MLLT10: variants seen among roughly 807,000 people sequenced by gnomAD.
MLLT10 encodes protein AF-10.
In MLLT10, 30 loss-of-function variants were observed where a neutral mutation model predicts 129.1. That is an observed-to-expected ratio of 0.23 (90% CI 0.17 to 0.32). The LOEUF is 0.32. Ranked by LOEUF, MLLT10 falls within the 10% of genes least tolerant of loss-of-function variation. MLLT10 has a pLI of 1.00. For missense variants in MLLT10, 1,119 were observed against 1,268.3 expected (o/e 0.88, Z 1.79); for synonymous variants, 490 against 446.4 (o/e 1.10, Z -1.23).
At chr10:21,710,947 T>G (rs1021254429) in intron 13 of MLLT10, among the ~76,000 whole-genome samples, 1 of 152,242 alleles carries the variant, frequency 6.6e-6, no homozygotes, top group Non-Finnish European at 1.5e-5. Context: ...TTACTTATGC[T>G]TAAGAGTCAT....
intron 5 of MLLT10, among the ~76,000 whole-genome samples, chr10:21,607,520 A>G (rs569018909): frequency 2.0e-5 from 3 of 152,026 alleles, no homozygotes; most frequent in Non-Finnish European, 4.4e-5. Flanking sequence ...CGGTTTCTCC[A>G]TGTTAGTCAG....
chr10:21,539,874 G>C (rs1564367082), intron 3 of MLLT10, among the ~76,000 whole-genome samples: 1 of 152,136 alleles, frequency 6.6e-6, no homozygotes, highest in Non-Finnish European at 1.5e-5. Context: ...GAACCTGGGA[G>C]GCGGAGGTTG....
intron 6 of MLLT10, 103 bp downstream of exon 6, chr10:21,612,554 T>G (rs971843453): frequency 1.0e-5 from 6 of 591,640 alleles, no homozygotes; most frequent in African/African-American, 9.3e-5. Flanking sequence ...TATGGTAAAC[T>G]TTATTGGTAT....
Position 21,735,247 on chromosome 10 carries a change from C to T in MLLT10, c.2955+12C>T, listed in dbSNP as rs374133492. The T allele has an allele frequency of 2.1e-5, 33 of 1,578,064 alleles. No homozygotes were observed. The highest frequency in any genetic ancestry group is 2.9e-5 in the Non-Finnish European group (33 of 1,148,472). On this transcript the variant is annotated intron_variant, in intron 21 of 22. Transcript: ENST00000307729. Reference sequence around the variant, plus strand: ...AACAGCTCACACCAGTAAGTTCTTTCTTTTGATAATATCTTATTAGGAGCA... The same window carrying T: ...AACAGCTCACACCAGTAAGTTCTTTTTTTTGATAATATCTTATTAGGAGCA...
At position 21,534,317 on chromosome 10, in the gene MLLT10, C is replaced by CT. The variant is rs1239319613; in HGVS notation, c.-204_-203insT. 3 of 394,884 alleles carry CT rather than the reference C, an allele frequency of 7.6e-6. No individual in the cohort carries two copies. The highest frequency in any genetic ancestry group is 1.3e-5 in the Non-Finnish European group (3 of 222,510). The allele number at this position is 394,884 out of a possible 1,614,324, so 24.5% of individuals were successfully genotyped here. ...CTGGCCCAGCGGGAGCCCCCCCTCC[C>CT]CCCAGTGCGCCTGTGCGGAGGCCCT... is the stretch of plus-strand genomic sequence containing the variant. On this transcript the variant is annotated 5_prime_UTR_variant, in exon 1 of 23. Transcript: ENST00000307729.
At chr10:21,559,745 C>T (rs577651538) in intron 3 of MLLT10, among the ~76,000 whole-genome samples, 5 of 152,114 alleles carry the variant, frequency 3.3e-5, no homozygotes, top group Non-Finnish European at 7.4e-5. Flanking sequence ...TGAATGTTTT[C>T]AAGGTTCGTC....
chr10:21,617,330 G>A, intron 8 of MLLT10, 123 bp downstream of exon 8: 1 of 398,136 alleles, frequency 2.5e-6, no homozygotes, highest in Non-Finnish European at 4.5e-6. Context: ...GAAACATTTT[G>A]GCTAATAAAG....
chr10:21,649,376 C>T (rs2048807434), intron 8 of MLLT10, among the ~76,000 whole-genome samples: 2 of 152,178 alleles, frequency 1.3e-5, no homozygotes, highest in Admixed American at 1.3e-4. Flanking sequence ...TGTGCCTGGC[C>T]TGTATTGTTA....
intron 9 of MLLT10, chr10:21,669,128 T>C (rs1249706124): frequency 3.3e-6 from 4 of 1,226,086 alleles, no homozygotes; most frequent in South Asian, 2.8e-5. Context: ...TTAAACTTAC[T>C]TTGAAACGTT....
intron 21 of MLLT10, among the ~76,000 whole-genome samples, chr10:21,738,047 ATCACGAGG>A (rs1329828905): frequency 6.6e-6 from 1 of 152,080 alleles, no homozygotes; most frequent in Non-Finnish European, 1.5e-5. Context: ...AGGTGGGCGG[ATCACGAGG>A]TCAGGAGTTC....
intron 8 of MLLT10, among the ~76,000 whole-genome samples, chr10:21,650,604 G>A (rs1358066981): frequency 6.6e-6 from 1 of 151,782 alleles, no homozygotes; most frequent in Non-Finnish European, 1.5e-5. Context: ...GCCCTCAATG[G>A]TCTGATTTAA....
intron 8 of MLLT10, among the ~76,000 whole-genome samples, chr10:21,632,726 A>G (rs1318989000): frequency 2.0e-5 from 3 of 151,958 alleles, no homozygotes; most frequent in African/African-American, 4.8e-5. Flanking sequence ...TCTCTTTTGT[A>G]TTTTTTCAGA....
At chr10:21,657,217 C>T (rs957302706) in intron 9 of MLLT10, among the ~76,000 whole-genome samples, 1 of 151,834 alleles carries the variant, frequency 6.6e-6, no homozygotes, top group African/African-American at 2.4e-5. Flanking sequence ...CATGGTGAAA[C>T]CCTGTCTCTA....
chr10:21,565,258 A>G (rs1047887668), intron 3 of MLLT10, among the ~76,000 whole-genome samples: 1 of 151,834 alleles, frequency 6.6e-6, no homozygotes, highest in Non-Finnish European at 1.5e-5. Context: ...CAACGTGCTT[A>G]TTTGAAGTAA....
chr10:21,654,170 A>G (rs1237457492), intron 9 of MLLT10, among the ~76,000 whole-genome samples: 1 of 152,208 alleles, frequency 6.6e-6, no homozygotes, highest in Non-Finnish European at 1.5e-5. Flanking sequence ...GCCTGATTGG[A>G]GTGCTTTATA....
chr10:21,566,936 C>G (rs888851615), intron 3 of MLLT10, among the ~76,000 whole-genome samples: 1 of 152,080 alleles, frequency 6.6e-6, no homozygotes, highest in African/African-American at 2.4e-5. Context: ...GCCTCAGCCT[C>G]CCAAGTAGCT....
intron 3 of MLLT10, chr10:21,557,628 T>C (rs1354472986): frequency 1.3e-5 from 2 of 152,232 alleles, no homozygotes; most frequent in East Asian, 1.9e-4. Context: ...CAGACTCTAC[T>C]TCATGAGGCT....
chr10:21,600,173 CCA>C (rs1254747299), intron 5 of MLLT10, among the ~76,000 whole-genome samples: 2 of 152,136 alleles, frequency 1.3e-5, no homozygotes, highest in Middle Eastern at 3.4e-3. Context: ...TATCCTGGCA[CCA>C]CACACACTAT....
intron 17 of MLLT10, among the ~76,000 whole-genome samples, chr10:21,732,522 A>G (rs184945228): frequency 9.9e-5 from 15 of 152,258 alleles, no homozygotes; most frequent in South Asian, 2.1e-4. Flanking sequence ...ACCATTCTGT[A>G]TATGACTTCA....
Sources: gnomAD v4.1 joint callset for allele counts (sites outside exome capture counted in the v4.1 genomes callset) on GRCh38, gnomAD v4.1.1 for gene constraint, MANE v1.5 for transcripts, NCBI Gene and HGNC (gene_info 2026-07-23, HGNC 2026-07-21) for gene names.